USP43: variants seen among roughly 807,000 people sequenced by gnomAD.
USP43 encodes ubiquitin specific peptidase 43, also known as ubiquitin carboxyl-terminal hydrolase 43.
Under a neutral mutation model 90.7 loss-of-function variants are expected in USP43, and 33 were observed. That is an observed-to-expected ratio of 0.36 (90% CI 0.28 to 0.49). The LOEUF (loss-of-function observed/expected upper bound fraction) is 0.49, where lower values mean the gene tolerates loss of function less well. Among genes scored for constraint, USP43 ranks in the 20% least tolerant of loss-of-function variants. USP43 has a pLI of 0.98. For synonymous variants in USP43, 598 were observed against 615.8 expected (o/e 0.97, Z 0.43); for missense variants, 1,274 against 1,476.4 (o/e 0.86, Z 2.25).
intron 3 of USP43, among the ~76,000 whole-genome samples, chr17:9,670,659 C>G (rs1475699978): frequency 6.6e-6 from 1 of 151,948 alleles, no homozygotes; most frequent in African/African-American, 2.4e-5. Context: ...GAGGAAAAAT[C>G]GAGGGTGCTT....
intron 3 of USP43, among the ~76,000 whole-genome samples, chr17:9,672,256 G>A (rs903073488): frequency 3.3e-5 from 5 of 152,070 alleles, no homozygotes; most frequent in African/African-American, 9.7e-5. Flanking sequence ...TCGGCCTCCC[G>A]AAATGCTGGA....
At chr17:9,667,404 A>G (rs1399787213) in intron 3 of USP43, among the ~76,000 whole-genome samples, 2 of 152,224 alleles carry the variant, frequency 1.3e-5, no homozygotes, top group African/African-American at 4.8e-5. Flanking sequence ...AAAAAAAGTA[A>G]ATAAATAAAT....
At chr17:9,668,923 C>T (rs565143371) in intron 3 of USP43, among the ~76,000 whole-genome samples, 1 of 152,284 alleles carries the variant, frequency 6.6e-6, no homozygotes, top group East Asian at 1.9e-4. Flanking sequence ...GCAACCTCCA[C>T]TTCCCGGGTT....
intron 13 of USP43, among the ~76,000 whole-genome samples, chr17:9,710,968 G>GA (rs1473656893): frequency 6.6e-6 from 1 of 151,690 alleles, no homozygotes; most frequent in Non-Finnish European, 1.5e-5. Flanking sequence ...ACAGTTATCA[G>GA]AAAATGGCCA....
chr17:9,685,547 C>G (rs1157092726), intron 7 of USP43, among the ~76,000 whole-genome samples: 2 of 152,218 alleles, frequency 1.3e-5, no homozygotes, highest in Admixed American at 1.3e-4. Flanking sequence ...TTTGAGTAAT[C>G]TGTTTACACA....
In USP43 at chr17:9,712,054, A is replaced by G. The variant is rs1916229910; in HGVS notation, c.2257A>G (p.Ser753Gly). The stretch of plus-strand genomic sequence containing the variant: ...CACAAGGGGAAGCCTGCTGTCCTGG[A>G]GCTCTGCCCCCTGCCCCTCCCTGCC... ...GSTRGSLLSW[S>G]SAPCPSLPQV... The change falls in exon 14 of 15, where the codon AGC becomes GGC. Residue 753 changes from serine to glycine, a missense_variant. Ser to Gly is a moderately conservative substitution (Grantham distance 56, BLOSUM62 0). Transcript: ENST00000285199. The G allele has an allele frequency of 6.2e-7, 1 of 1,612,426 alleles. No homozygotes were observed.
chr17:9,694,615 A>T (rs576962450), intron 9 of USP43, among the ~76,000 whole-genome samples: 2 of 151,610 alleles, frequency 1.3e-5, no homozygotes, highest in South Asian at 2.1e-4. Flanking sequence ...ATTATTTATT[A>T]TTTATTTATT....
intron 3 of USP43, among the ~76,000 whole-genome samples, chr17:9,669,189 A>G (rs1454272400): frequency 1.3e-5 from 2 of 152,118 alleles, no homozygotes; most frequent in African/African-American, 2.4e-5. Context: ...GGGTGCTAGA[A>G]CCAAAAATAA....
At chr17:9,711,871 G>A (rs781187733) in intron 13 of USP43, 97 bp from the exon 14 acceptor site, 22 of 1,342,234 alleles carry the variant, frequency 1.6e-5, no homozygotes, top group East Asian at 2.8e-5. Context: ...GGGGCTGAAG[G>A]ATGGGGCCGG....
At chr17:9,697,489 TC>T in intron 9 of USP43, among the ~76,000 whole-genome samples, 1 of 152,130 alleles carries the variant, frequency 6.6e-6, no homozygotes, top group African/African-American at 2.4e-5. Flanking sequence ...CCTTCTTCCC[TC>T]CCCCATTTTG....
chr17:9,664,953 C>T (rs9914021), intron 2 of USP43, among the ~76,000 whole-genome samples: 3,857 of 152,114 alleles, frequency 0.025, 111 homozygotes, highest in African/African-American at 0.07. Context: ...TATATAGGTA[C>T]GTTTATATTT....
chr17:9,715,532 C>G (rs1262964442), intron 14 of USP43, among the ~76,000 whole-genome samples: 1 of 150,724 alleles, frequency 6.6e-6, no homozygotes, highest in Non-Finnish European at 1.5e-5. Flanking sequence ...GTGTGTATGT[C>G]TGTGTGTGTG....
intron 1 of USP43, among the ~76,000 whole-genome samples, chr17:9,648,094 A>G (rs567712547): frequency 3.9e-5 from 6 of 152,174 alleles, no homozygotes; most frequent in Non-Finnish European, 8.8e-5. Flanking sequence ...AGAATTCCCT[A>G]TCTCTCTCCC....
At chr17:9,653,353 C>T (rs1245060117) in intron 1 of USP43, among the ~76,000 whole-genome samples, 1 of 149,216 alleles carries the variant, frequency 6.7e-6, no homozygotes, top group African/African-American at 2.4e-5. Context: ...TTTGGGAGGC[C>T]GAGGCGGGTG....
intron 2 of USP43, among the ~76,000 whole-genome samples, chr17:9,660,559 G>A (rs751755439): frequency 1.3e-5 from 2 of 152,088 alleles, no homozygotes; most frequent in African/African-American, 2.4e-5. Context: ...AGATAGAAAG[G>A]AAATAAGAGC....
At chr17:9,705,645 C>G (rs1915827009) in intron 12 of USP43, among the ~76,000 whole-genome samples, 1 of 151,584 alleles carries the variant, frequency 6.6e-6, no homozygotes, top group Non-Finnish European at 1.5e-5. Flanking sequence ...GTTCCAGCTA[C>G]TCGGGGGGCT....
At position 9,693,185 on chromosome 17, in the gene USP43, T is replaced by C; in HGVS notation, c.1412T>C (p.Leu471Ser). ...GGACTCTCTGTGGCCTGCAGCTATT[T>C]GTCTCCGAAGGACAGTCGGCCCCTC... ...VVGLSVACSY[L>S]SPKDSRPLCH... The change falls in exon 9 of 15, where the codon TTG (leucine) becomes TCG (serine). Residue 471 changes from leucine (L) to serine (S), a missense_variant. Around this residue, in one of 6 missense-constraint regions of USP43, gnomAD observed 253 missense variants for 276.0 expected, o/e 0.92. Coordinates refer to ENST00000285199, the MANE Select transcript of USP43 (RefSeq NM_153210.5). The C allele has an allele frequency of 6.2e-7, 1 of 1,613,784 alleles. No individual in the cohort carries two copies. The highest frequency in any genetic ancestry group is 1.7e-5 in the Admixed American group (1 of 60,006).
rs1416783097 is a variant in USP43, at chr17:9,729,651, A to T, written c.*661A>T. The stretch of plus-strand genomic sequence containing the variant: ...GTCCATTTTTTAATTTAAATATGAG[A>T]TCTATGTACAATTTTAATAAAATCC... On this transcript the variant is annotated 3_prime_UTR_variant, in exon 15 of 15. Coordinates refer to ENST00000285199, the MANE Select transcript of USP43 (RefSeq NM_153210.5). The T allele has an allele frequency of 2.0e-5, 3 of 152,184 alleles. No individual in the cohort carries two copies. Among genetic ancestry groups the T allele is most frequent in the Non-Finnish European group, 4.4e-5 (3 of 68,044 alleles). 9.4% of individuals were successfully genotyped at this position (152,184 alleles called of 1,614,324 possible).
In USP43 at chr17:9,728,246, C is replaced by T. The variant is rs370655433; in HGVS notation, c.2628C>T (p.Ser876=). ...CCAACGTCGCCCTTCCTGCTAACAG[C>T]GAAGATGGTGGGCGGGCCATTGAAA... is the stretch of plus-strand genomic sequence containing the variant. ...PRSNVALPAN[S]EDGGRAIERG... The change falls in exon 15 of 15, where the codon AGC becomes AGT. Residue 876 remains serine, a synonymous_variant. Coordinates refer to ENST00000285199, the MANE Select transcript of USP43 (RefSeq NM_153210.5). The surrounding 1 kb of genome is among the most constrained non-coding windows in gnomAD (Gnocchi z 6.2). The T allele has an allele frequency of 5.2e-4, 841 of 1,613,788 alleles. 1 individual carries two copies. The highest frequency in any genetic ancestry group is 8.5e-4 in the African/African-American group (64 of 75,038).
Sources: gnomAD v4.1 joint callset for allele counts (sites outside exome capture counted in the v4.1 genomes callset) on GRCh38, gnomAD v4.1.1 for gene constraint, gnomAD v4.1.1 regional missense constraint, Gnocchi (gnomAD v3.1) non-coding constraint, MANE v1.5 for transcripts, NCBI Gene and HGNC (gene_info 2026-07-23, HGNC 2026-07-21) for gene names.